Variants in PRRC2A observed in about 807,000 individuals in gnomAD.
The protein encoded by PRRC2A is proline rich coiled-coil 2A.
A neutral mutation model predicts 224.6 loss-of-function variants in PRRC2A; 59 were observed. The observed-to-expected ratio is 0.26, with a 90% CI of 0.21 to 0.33. PRRC2A has a LOEUF of 0.33. Ranked by LOEUF, PRRC2A falls within the 10% of genes least tolerant of loss-of-function variation. The pLI is 1.00. For missense variants in PRRC2A, 3,095 were observed against 2,880.7 expected, an observed-to-expected ratio of 1.07 and a Z score of -1.70; for synonymous variants, 1,194 against 1,109.5, an observed-to-expected ratio of 1.08 and a Z score of -1.51.
At position 31,624,440 on chromosome 6, in the gene PRRC2A, A is replaced by T. The variant is rs925026920; in HGVS notation, c.391-10A>T. On this transcript the variant is annotated splice_polypyrimidine_tract_variant and intron_variant, in intron 4 of 30. Transcript: ENST00000376033. ...CACATCATTTATCATCTTTCTGAAC[A>T]CTTCCCCAGAACACTCCTTTGGTTC... The T allele has an allele frequency of 1.2e-6, 2 of 1,612,722 alleles. No homozygotes were observed. Among genetic ancestry groups the T allele is most frequent in the Non-Finnish European group, 1.7e-6 (2 of 1,178,812 alleles).
intron 14 of PRRC2A, among the ~76,000 whole-genome samples, chr6:31,630,167 AAGT>A (rs67235274): frequency 0.045 from 6,842 of 152,094 alleles, 172 homozygotes; most frequent in Middle Eastern, 0.088. Context: ...AAATACAAAA[AAGT>A]AGCCGGCGTG....
intron 13 of PRRC2A, 50 bp downstream of exon 13, chr6:31,629,384 G>A (rs776617731): frequency 4.6e-6 from 7 of 1,522,070 alleles, no homozygotes; most frequent in East Asian, 2.3e-5. Context: ...TCCTGGCTTC[G>A]GTCCCTAATT....
Position 31,632,366 on chromosome 6 carries a change from T to C in PRRC2A, c.3693T>C (p.Asn1231=). The C allele has an allele frequency of 1.9e-6, 3 of 1,613,110 alleles. No homozygotes were observed. The highest frequency in any genetic ancestry group is 2.5e-6 in the Non-Finnish European group (3 of 1,179,828). ...GCGGAGGCAGCAATGGAGGTAGCAA[T>C]GTGGGCATGGAAGATGGGGAGCGAC... The part of the protein sequence containing the change: ...VARGGSNGGS[N]VGMEDGERPR... The change falls in exon 16 of 31, where the codon AAT becomes AAC. Residue 1231 remains asparagine, a synonymous_variant. Coordinates refer to ENST00000376033, the MANE Select transcript of PRRC2A (RefSeq NM_004638.4).
In PRRC2A at chr6:31,631,640, G is replaced by C. The variant is rs1776596617; in HGVS notation, c.2967G>C (p.Gly989=). ...PKPDPLKITK[G]KLGGPKETPP... ...CAGACCCACTCAAGATAACCAAGGG[G>C]AAGCTAGGGGGCCCCAAGGAGACCC... The change falls in exon 16 of 31, where the codon GGG becomes GGC. Residue 989 remains glycine (G), a synonymous_variant. Transcript: ENST00000376033. The surrounding 1 kb of genome is among the most constrained non-coding windows in gnomAD (Gnocchi z 4.5). The C allele has an allele frequency of 6.6e-7, 1 of 1,518,076 alleles. No individual in the cohort carries two copies. The highest frequency in any genetic ancestry group is 8.8e-7 in the Non-Finnish European group (1 of 1,135,788). 94.0% of individuals were successfully genotyped at this position (1,518,076 alleles called of 1,614,324 possible).
Position 31,635,971 on chromosome 6 carries a change from C to T in PRRC2A, c.5546C>T (p.Ser1849Phe). Reference sequence around the variant, plus strand: ...AACCGTGCTCCTCTCCTGCAGATCTCTGGGGGAGCCATGGACTCTCAATTA... The same window carrying T: ...AACCGTGCTCCTCTCCTGCAGATCTTTGGGGGAGCCATGGACTCTCAATTA... The part of the protein sequence containing the change: ...GSAGPSSSQI[S>F]GGAMDSQLHP... The change falls in exon 25 of 31, where the codon TCT becomes TTT. Residue 1849 changes from serine (S) to phenylalanine (F), a missense_variant. Ser to Phe is a radical substitution (Grantham distance 155). Around this residue, in one of 8 missense-constraint regions of PRRC2A, gnomAD observed 662 missense variants for 609.5 expected, o/e 1.09. Coordinates refer to ENST00000376033, the MANE Select transcript of PRRC2A (RefSeq NM_004638.4). 1 of 1,611,312 alleles carries T rather than the reference C, an allele frequency of 6.2e-7. No individual in the cohort carries two copies. Among genetic ancestry groups the T allele is most frequent in the Non-Finnish European group, 8.5e-7 (1 of 1,177,868 alleles).
In PRRC2A at chr6:31,627,775, G is replaced by A; in HGVS notation, c.1301G>A (p.Gly434Asp). The A allele has an allele frequency of 6.2e-7, 1 of 1,612,454 alleles. No individual in the cohort carries two copies. Among genetic ancestry groups the A allele is most frequent in the South Asian group, 1.1e-5 (1 of 91,060 alleles). The change falls in exon 12 of 31, where the codon GGT (glycine) becomes GAT (aspartate). Residue 434 changes from glycine (G) to aspartate (D), a missense_variant. Coordinates refer to ENST00000376033, the MANE Select transcript of PRRC2A (RefSeq NM_004638.4). The surrounding 1 kb of genome is among the most constrained non-coding windows in gnomAD (Gnocchi z 5.6). Reference sequence around the variant, plus strand: ...CTTGCCAATTGACAGGATCGTGGGGGTCCTCCCTGCAAGCCCCCAGCACCT... The same window carrying A: ...CTTGCCAATTGACAGGATCGTGGGGATCCTCCCTGCAAGCCCCCAGCACCT... ...GPPGDYPDRG[G>D]PPCKPPAPED...
At position 31,622,683 on chromosome 6, in the gene PRRC2A, T is replaced by C. The variant is rs1370189052; in HGVS notation, c.-100-7T>C. The C allele has an allele frequency of 1.3e-6, 1 of 766,152 alleles. No homozygotes were observed. The highest frequency in any genetic ancestry group is 2.2e-6 in the Non-Finnish European group (1 of 448,386). 47.5% of individuals were successfully genotyped at this position (766,152 alleles called of 1,614,324 possible). A position where few individuals can be genotyped will look rare whatever the true frequency, so the allele number is the denominator to read the frequency against. ...GAGTTTTTAAGTTTCTGTTATGGTC[T>C]GTACAGGGGACAGAGACTGAGACAC... On this transcript the variant is annotated splice_region_variant and splice_polypyrimidine_tract_variant and intron_variant, in intron 1 of 30. Transcript: ENST00000376033.
rs114335898 is a variant in PRRC2A at position 31,628,997 on chromosome 6, C to G, written c.1766-147C>G. On this transcript the variant is annotated intron_variant, in intron 12 of 30. Transcript: ENST00000376033. Reference sequence around the variant, plus strand: ...GAGGCCATGAAGTGCTTTAATGGGTCTTAAATGGGAGGGGCTTCAATAGAA... The same window carrying G: ...GAGGCCATGAAGTGCTTTAATGGGTGTTAAATGGGAGGGGCTTCAATAGAA... 4,097 of 829,720 alleles carry G rather than the reference C, an allele frequency of 4.9e-3. 24 individuals carry two copies. Among genetic ancestry groups the G allele is most frequent in the East Asian group, 0.014 (581 of 40,312 alleles). The allele number at this position is 829,720 out of a possible 1,614,324, so 51.4% of individuals were successfully genotyped here. A position where few individuals can be genotyped will look rare whatever the true frequency, so the allele number is the denominator to read the frequency against.
At position 31,628,098 on chromosome 6, in the gene PRRC2A, C is replaced by T. The variant is rs776846403; in HGVS notation, c.1624C>T (p.Pro542Ser). The T allele has an allele frequency of 2.5e-6, 4 of 1,613,020 alleles. No individual in the cohort carries two copies. In the African/African-American group the frequency reaches 5.3e-5, roughly 22 times the overall value. The change falls in exon 12 of 31, where the codon CCA becomes TCA. Residue 542 changes from proline (P) to serine (S), a missense_variant. This residue lies in a region of PRRC2A where 2,001 missense variants were observed against 1,764.9 expected (regional missense o/e 1.13). Transcript: ENST00000376033. ...TCCACCTCCAGCATCAGCCCCAACA[C>T]CAGAGACAGAACCTGAAGAGCCAGC... ...PAPPPASAPT[P>S]ETEPEEPAQA...
intron 20 of PRRC2A, 97 bp from the exon 21 acceptor site, chr6:31,634,656 T>C (rs1777102743): frequency 6.4e-7 from 1 of 1,571,902 alleles, no homozygotes; most frequent in Non-Finnish European, 8.7e-7. Context: ...GTTCTCTCAC[T>C]TGGCTGTCCC....
At chr6:31,634,583 T>C in intron 20 of PRRC2A, 26 bp downstream of exon 20, 1 of 1,606,426 alleles carries the variant, frequency 6.2e-7, no homozygotes, top group Non-Finnish European at 8.5e-7. Flanking sequence ...AGGGTGTGTC[T>C]GAGCTGGGAC....
chr6:31,626,022 G>T lies in PRRC2A; in HGVS notation c.842G>T (p.Arg281Leu). ...TTCATTTTCTTTTTTGTGTACAGCC[G>T]TTTTCCCCGTGTGGCGGGCCCCCGA... ...YRYPTPDGPS[R>L]FPRVAGPRGS... The change falls in exon 9 of 31, where the codon CGT becomes CTT. Residue 281 changes from arginine to leucine, a missense_variant and splice_region_variant. By Grantham distance (102) the Arg-to-Leu change is moderately radical. This residue lies in a region of PRRC2A where 287 missense variants were observed against 275.3 expected (regional missense o/e 1.04). Transcript: ENST00000376033. 6.2e-7 allele frequency: 1 copy of T among 1,611,774 alleles called. No individual in the cohort carries two copies. Among genetic ancestry groups the T allele is most frequent in the Admixed American group, 1.7e-5 (1 of 59,654 alleles).
chr6:31,624,328 A>C lies in PRRC2A; in HGVS notation c.358A>C (p.Asn120His). 6.2e-7 allele frequency: 1 copy of C among 1,614,056 alleles called. No homozygotes were observed. ...GCCGGCTTCACAGACGCCTGCCTCC[A>C]ACCAGCCGAAACGACCCCCAGCAGC... ...PLPASQTPAS[N>H]QPKRPPAAPE... The change falls in exon 4 of 31, where the codon AAC becomes CAC. Residue 120 changes from asparagine (N) to histidine (H), a missense_variant. Around this residue, in one of 8 missense-constraint regions of PRRC2A, gnomAD observed 52 missense variants for 77.9 expected, o/e 0.67. Coordinates refer to ENST00000376033, the MANE Select transcript of PRRC2A (RefSeq NM_004638.4).
At chr6:31,622,096 T>C (rs527336111) in intron 1 of PRRC2A, among the ~76,000 whole-genome samples, 1 of 152,192 alleles carries the variant, frequency 6.6e-6, no homozygotes, top group African/African-American at 2.4e-5. Flanking sequence ...AGCCTGGGAG[T>C]ATGTACAGCC....
Position 31,622,688 on chromosome 6 carries a change from A to G in PRRC2A, c.-100-2A>G. 1.2e-6 allele frequency: 1 copy of G among 815,036 alleles called. No individual in the cohort carries two copies. The allele number at this position is 815,036 out of a possible 1,614,324, so 50.5% of individuals were successfully genotyped here. On this transcript the variant is annotated splice_acceptor_variant, in intron 1 of 30. Coordinates refer to ENST00000376033, the MANE Select transcript of PRRC2A (RefSeq NM_004638.4). LOFTEE classifies it low-confidence loss of function (5UTR_SPLICE). Reference sequence around the variant, plus strand: ...TTTAAGTTTCTGTTATGGTCTGTACAGGGGACAGAGACTGAGACACTTGCT... The same window carrying G: ...TTTAAGTTTCTGTTATGGTCTGTACGGGGGACAGAGACTGAGACACTTGCT...
Position 31,629,293 on chromosome 6 carries a change from T to C in PRRC2A, c.1915T>C (p.Tyr639His). Residue 639 changes from tyrosine to histidine, a missense_variant, in exon 13 of 31, where the codon TAT (tyrosine) becomes CAT (histidine). By Grantham distance (83) the Tyr-to-His change is moderately conservative. Coordinates refer to ENST00000376033, the MANE Select transcript of PRRC2A (RefSeq NM_004638.4). ...PPSQGLGYPK[Y>H]QKSLPPRFQR... is the part of the protein sequence containing the mutation. ...TAGTCAGGGCTTGGGCTACCCCAAATATCAGAAGTCGTTGCCTCCTCGTTT... is the reference window on the plus strand; with the variant it reads ...TAGTCAGGGCTTGGGCTACCCCAAACATCAGAAGTCGTTGCCTCCTCGTTT... The C allele has an allele frequency of 6.3e-7, 1 of 1,585,616 alleles. No homozygotes were observed. The highest frequency in any genetic ancestry group is 8.6e-7 in the Non-Finnish European group (1 of 1,165,724).
At position 31,636,775 on chromosome 6, in the gene PRRC2A, T is replaced by G. The variant is rs767848178; in HGVS notation, c.5977T>G (p.Phe1993Val). Reference protein sequence around the residue: ...MVDSQLPVVNFGSLPPAPPPA... With the variant: ...MVDSQLPVVNVGSLPPAPPPA... Reference sequence around the variant, plus strand: ...AGACTCACAGCTGCCTGTGGTGAACTTTGGCTCCCTGCCGCCAGCACCACC... The same window carrying G: ...AGACTCACAGCTGCCTGTGGTGAACGTTGGCTCCCTGCCGCCAGCACCACC... The change falls in exon 28 of 31, where the codon TTT (phenylalanine) becomes GTT (valine). Residue 1993 changes from phenylalanine to valine, a missense_variant. By Grantham distance (50) the Phe-to-Val change is conservative. Around this residue, in one of 8 missense-constraint regions of PRRC2A, gnomAD observed 662 missense variants for 609.5 expected, o/e 1.09. Transcript: ENST00000376033. This position sits in a 1 kb window ranked among gnomAD's most constrained non-coding sequence, Gnocchi z 4.3. 13 of 1,607,156 alleles carry G rather than the reference T, an allele frequency of 8.1e-6. No homozygotes were observed. The highest frequency in any genetic ancestry group is 4.5e-5 in the East Asian group (2 of 44,898).
At position 31,632,317 on chromosome 6, in the gene PRRC2A, C is replaced by T. The variant is rs1191890405; in HGVS notation, c.3644C>T (p.Pro1215Leu). 5.6e-6 allele frequency: 9 copies of T among 1,613,258 alleles called. No homozygotes were observed. The South Asian group carries it at 7.7e-5, about 14-fold the overall frequency. Residue 1215 changes from proline (P) to leucine (L), a missense_variant, in exon 16 of 31, where the codon CCA becomes CTA. By Grantham distance (98) the Pro-to-Leu change is moderately conservative. Transcript: ENST00000376033. ...GAGCCTTTGAAAGAGAAGTTGATCC[C>T]AGGGCCTCTGTCCCCTGTGGCGCGC... ...SKEPLKEKLI[P>L]GPLSPVARGG...
Position 31,629,974 on chromosome 6 carries a change from T to C in PRRC2A, c.2254+129T>C, listed in dbSNP as rs752979919. 34 of 1,437,656 alleles carry C rather than the reference T, an allele frequency of 2.4e-5. 1 individual carries two copies. Among genetic ancestry groups the C allele is most frequent in the Non-Finnish European group, 3.2e-5 (34 of 1,069,392 alleles). 89.1% of individuals were successfully genotyped at this position (1,437,656 alleles called of 1,614,324 possible). ...ATAGTGATGAGGGAAGGGCATATGCTTGGCACTGCTGAGATAGCTCTGTTG... is the reference window on the plus strand; with the variant it reads ...ATAGTGATGAGGGAAGGGCATATGCCTGGCACTGCTGAGATAGCTCTGTTG... On this transcript the variant is annotated intron_variant, in intron 14 of 30. Coordinates refer to ENST00000376033, the MANE Select transcript of PRRC2A (RefSeq NM_004638.4).
Sources: allele counts gnomAD v4.1 joint callset (sites outside exome capture counted in the v4.1 genomes callset), GRCh38; gene constraint gnomAD v4.1.1; regional missense constraint gnomAD v4.1.1; non-coding constraint Gnocchi (gnomAD v3.1); transcripts MANE v1.5; gene names NCBI Gene and HGNC (gene_info 2026-07-23, HGNC 2026-07-21).